Variants in ARHGAP28 observed in about 807,000 individuals in gnomAD.
ARHGAP28 encodes the protein Rho GTPase activating protein 28.
Under a neutral mutation model 90.7 loss-of-function variants are expected in ARHGAP28, and 56 were observed. The ratio of observed to expected loss-of-function variants is 0.62; its 90% CI spans 0.50 to 0.77. The LOEUF (loss-of-function observed/expected upper bound fraction) is 0.77. Among genes scored for constraint, ARHGAP28 ranks in the 30% least tolerant of loss-of-function variants. The pLI is 0.00. For synonymous variants in ARHGAP28, 308 were observed against 323.3 expected (o/e 0.95, Z 0.51); for missense variants, 869 against 900.9 (o/e 0.96, Z 0.45).
chr18:6,912,303 C>G lies in ARHGAP28; in HGVS notation c.*149C>G. On this transcript the variant is annotated 3_prime_UTR_variant, in exon 18 of 18. Transcript: ENST00000383472. The stretch of plus-strand genomic sequence containing the variant: ...CAGCAGTGGGCATTGTAAGCATGAA[C>G]TATGGAAGAGGCGCCGGTTCACCAA... 3 of 447,168 alleles carry G rather than the reference C, an allele frequency of 6.7e-6. No individual in the cohort carries two copies. Among genetic ancestry groups the G allele is most frequent in the Non-Finnish European group, 1.2e-5 (3 of 251,960 alleles). The allele number at this position is 447,168 out of a possible 1,614,324, so 27.7% of individuals were successfully genotyped here. A position where few individuals can be genotyped will look rare whatever the true frequency, so the allele number is the denominator to read the frequency against.
rs149970868 is a variant in ARHGAP28, at chr18:6,877,553, C to T, written c.1290+1345C>T. Reference sequence around the variant, plus strand: ...TTTTGCACGTGAGGGCAAGGTCTTCCGTGAAGCGAGGTCGGAGCAGGGCAC... The same window carrying T: ...TTTTGCACGTGAGGGCAAGGTCTTCTGTGAAGCGAGGTCGGAGCAGGGCAC... On this transcript the variant is annotated intron_variant, in intron 10 of 17. Coordinates refer to ENST00000383472, the MANE Select transcript of ARHGAP28 (RefSeq NM_001366230.1). 3.1e-3 allele frequency among the ~76,000 whole-genome samples: 479 copies of T among 152,290 alleles called. 5 individuals carry two copies. The highest frequency in any genetic ancestry group is 0.011 in the African/African-American group (443 of 41,554).
intron 17 of ARHGAP28, among the ~76,000 whole-genome samples, chr18:6,911,174 A>C (rs2057396969): frequency 6.6e-6 from 1 of 152,124 alleles, no homozygotes; most frequent in South Asian, 2.1e-4. Flanking sequence ...CATACATTTC[A>C]AGCACACTGC....
At chr18:6,900,476 C>A (rs2057332553) in intron 16 of ARHGAP28, among the ~76,000 whole-genome samples, 1 of 151,978 alleles carries the variant, frequency 6.6e-6, no homozygotes, top group South Asian at 2.1e-4. Context: ...TTTAAAAATA[C>A]AACAAATGGA....
At chr18:6,730,236 T>TACAC (rs1555621926) in intron 1 of ARHGAP28, 1 of 198,688 alleles carries the variant, frequency 5.0e-6, no homozygotes, top group African/African-American at 2.4e-5. Context: ...TATATATATA[T>TACAC]ACCTCATTTC....
intron 4 of ARHGAP28, among the ~76,000 whole-genome samples, chr18:6,851,374 C>T (rs2056909867): frequency 6.6e-6 from 1 of 152,070 alleles, no homozygotes; most frequent in African/African-American, 2.4e-5. Flanking sequence ...AAGAAAGCCA[C>T]AATAAGATAT....
At chr18:6,787,166 G>T (rs190752999) in intron 1 of ARHGAP28, among the ~76,000 whole-genome samples, 44 of 146,012 alleles carry the variant, frequency 3.0e-4, no homozygotes, top group African/African-American at 1.1e-3. Flanking sequence ...GTTGCAGTGA[G>T]CTGAGATCGC....
intron 4 of ARHGAP28, among the ~76,000 whole-genome samples, chr18:6,859,091 AC>A (rs1177214557): frequency 1.5e-4 from 14 of 91,732 alleles, no homozygotes; most frequent in African/African-American, 2.9e-4. Context: ...AACAACAACA[AC>A]AACAAAAAAC....
At chr18:6,796,948 G>A (rs775344929) in intron 1 of ARHGAP28, among the ~76,000 whole-genome samples, 8 of 152,186 alleles carry the variant, frequency 5.3e-5, no homozygotes, top group Admixed American at 1.3e-4. Flanking sequence ...GTGTCTGGTA[G>A]GTGAAGGGGT....
chr18:6,896,134 G>A (rs1159266650), intron 15 of ARHGAP28, among the ~76,000 whole-genome samples: 1 of 152,208 alleles, frequency 6.6e-6, no homozygotes, highest in Non-Finnish European at 1.5e-5. Context: ...TTTTCAAAAG[G>A]TTGGTCTTCT....
chr18:6,908,727 A>G (rs12454415), intron 16 of ARHGAP28, among the ~76,000 whole-genome samples: 80,362 of 152,012 alleles, frequency 0.53, 21,553 homozygotes, highest in African/African-American at 0.56. Context: ...GTAGTGGAGC[A>G]CTGCGGCTGC....
chr18:6,785,801 A>G (rs1460877613), intron 1 of ARHGAP28, among the ~76,000 whole-genome samples: 1 of 152,248 alleles, frequency 6.6e-6, no homozygotes, highest in African/African-American at 2.4e-5. Flanking sequence ...TTAGTTTTCC[A>G]GTGGCTAATA....
intron 1 of ARHGAP28, among the ~76,000 whole-genome samples, chr18:6,803,102 T>C (rs1327196540): frequency 6.6e-6 from 1 of 152,188 alleles, no homozygotes; most frequent in Non-Finnish European, 1.5e-5. Flanking sequence ...CTGATTGCAT[T>C]GGTTAGAACT....
intron 6 of ARHGAP28, 66 bp downstream of exon 6, chr18:6,868,300 A>T (rs2057054512): frequency 7.2e-7 from 1 of 1,395,688 alleles, no homozygotes; most frequent in African/African-American, 1.4e-5. Flanking sequence ...CACTCAATAC[A>T]GTTAGCAGTG....
intron 14 of ARHGAP28, among the ~76,000 whole-genome samples, chr18:6,891,196 C>T (rs2057262472): frequency 6.6e-6 from 1 of 152,156 alleles, no homozygotes; most frequent in African/African-American, 2.4e-5. Flanking sequence ...ATATGAGAGC[C>T]CCAGGGGCCC....
At chr18:6,730,219 G>GTACATATATATATATATATATATA (rs374482561) in intron 1 of ARHGAP28, 1 of 157,414 alleles carries the variant, frequency 6.4e-6, no homozygotes, top group African/African-American at 3.2e-5. Flanking sequence ...GATAAGTCAT[G>GTACATATATATATATATATATATA]TGTATATATA....
At position 6,881,268 on chromosome 18, in the gene ARHGAP28, T is replaced by TA. The variant is rs144687517; in HGVS notation, c.1291-866dup. Among the ~76,000 whole-genome samples the TA allele has an allele frequency of 8.2e-3, 1,256 of 152,326 alleles. 23 individuals are homozygous for TA. The highest frequency in any genetic ancestry group is 0.029 in the African/African-American group (1,190 of 41,580). The stretch of plus-strand genomic sequence containing the variant: ...AGAAGAATTAGGCTTCTCATGAGAA[T>TA]AAAGCAGAGGTCTTAAAGAAACAGA... On this transcript the variant is annotated intron_variant, in intron 10 of 17. Transcript: ENST00000383472.
chr18:6,814,995 A>G (rs2056580724), intron 1 of ARHGAP28, among the ~76,000 whole-genome samples: 1 of 152,186 alleles, frequency 6.6e-6, no homozygotes, highest in Non-Finnish European at 1.5e-5. Context: ...TTGGATAAAA[A>G]ATATGAGCCC....
At chr18:6,893,974 C>A (rs879486314) in intron 14 of ARHGAP28, among the ~76,000 whole-genome samples, 3 of 146,988 alleles carry the variant, frequency 2.0e-5, no homozygotes, top group Non-Finnish European at 4.5e-5. Flanking sequence ...TCAAGTGATT[C>A]TTCTGCCTCA....
At chr18:6,749,338 ATTG>A (rs1387765611) in intron 1 of ARHGAP28, among the ~76,000 whole-genome samples, 1 of 152,192 alleles carries the variant, frequency 6.6e-6, no homozygotes, top group Non-Finnish European at 1.5e-5. Flanking sequence ...CCTTGGTAGT[ATTG>A]TTTGACAAAA....
Sources: allele counts gnomAD v4.1 joint callset (sites outside exome capture counted in the v4.1 genomes callset), GRCh38; gene constraint gnomAD v4.1.1; transcripts MANE v1.5; gene names NCBI Gene and HGNC (gene_info 2026-07-23, HGNC 2026-07-21).